The following COL14A1 variants were observed in gnomAD, a reference collection of about 807,000 sequenced individuals.
The protein encoded by COL14A1 is collagen alpha-1(XIV) chain.
In COL14A1, 136 loss-of-function variants were observed where a neutral mutation model predicts 230.3. The ratio of observed to expected loss-of-function variants is 0.59; its 90% CI spans 0.51 to 0.68. The LOEUF is 0.68. COL14A1 is among the 30% of genes least tolerant of loss of function. COL14A1 has a pLI of 0.00. For synonymous variants in COL14A1, 792 were observed against 784.1 expected (o/e 1.01, Z -0.17); for missense variants, 1,976 against 2,215.8 (o/e 0.89, Z 2.17).
chr8:120,328,727 CCTT>C (rs375640182), intron 40 of COL14A1, among the ~76,000 whole-genome samples: 4 of 152,290 alleles, frequency 2.6e-5, no homozygotes, highest in African/African-American at 9.6e-5. Flanking sequence ...TTTTTAAACT[CCTT>C]CTCACATGAT....
In COL14A1 at chr8:120,158,241, C is replaced by T; in HGVS notation, c.200C>T (p.Thr67Ile). 1 of 1,566,120 alleles carries T rather than the reference C, an allele frequency of 6.4e-7. No homozygotes were observed. The change falls in exon 3 of 48, where the codon ACT becomes ATT. Residue 67 changes from threonine to isoleucine, a missense_variant. Around this residue, in one of 3 missense-constraint regions of COL14A1, gnomAD observed 181 missense variants for 178.6 expected, o/e 1.01. Coordinates refer to ENST00000297848, the MANE Select transcript of COL14A1 (RefSeq NM_021110.4). ...FGGYKLLVTP[T>I]SGGKTNQLNL... ...GGTTACAAACTTCTTGTGACTCCAA[C>T]TTCAGGTAAAAACAATTGACTTTGT... is the stretch of plus-strand genomic sequence containing the variant.
intron 14 of COL14A1, among the ~76,000 whole-genome samples, chr8:120,220,833 GATA>G (rs1486194370): frequency 6.6e-6 from 1 of 152,140 alleles, no homozygotes; most frequent in Non-Finnish European, 1.5e-5. Context: ...TGGTGATAAT[GATA>G]ATGATGGTGA....
At chr8:120,130,247 A>T (rs996520047) in intron 1 of COL14A1, among the ~76,000 whole-genome samples, 1 of 152,246 alleles carries the variant, frequency 6.6e-6, no homozygotes, top group African/African-American at 2.4e-5. Flanking sequence ...ATAGACTTGC[A>T]TATTGGCATA....
chr8:120,134,354 G>A (rs1433626942), intron 1 of COL14A1, among the ~76,000 whole-genome samples: 4 of 151,976 alleles, frequency 2.6e-5, no homozygotes, highest in Non-Finnish European at 4.4e-5. Flanking sequence ...ATAAAATATA[G>A]CATTGTTAAC....
Position 120,171,105 on chromosome 8 carries a change from T to C in COL14A1, c.436+2858T>C, listed in dbSNP as rs146939051. ...TAAAATTGACCAAGTTTCTTTTTTC[T>C]TTAAATCCATTTTAGCACTTACTGA... On this transcript the variant is annotated intron_variant, in intron 5 of 47. Coordinates refer to ENST00000297848, the MANE Select transcript of COL14A1 (RefSeq NM_021110.4). Among the ~76,000 whole-genome samples, 83 of 152,220 alleles carry C rather than the reference T, an allele frequency of 5.5e-4. 2 individuals are homozygous for C. The East Asian group carries it at 0.016, about 29-fold the overall frequency.
intron 25 of COL14A1, among the ~76,000 whole-genome samples, chr8:120,269,206 A>G (rs889986846): frequency 6.6e-6 from 1 of 151,802 alleles, no homozygotes; most frequent in Non-Finnish European, 1.5e-5. Context: ...TGTTTGCTTC[A>G]TCATAAAACA....
intron 1 of COL14A1, among the ~76,000 whole-genome samples, chr8:120,133,605 C>A (rs1375518610): frequency 6.6e-6 from 1 of 152,058 alleles, no homozygotes; most frequent in African/African-American, 2.4e-5. Flanking sequence ...ATAAAGTTTA[C>A]ACAGATGGAA....
At position 120,194,152 on chromosome 8, in the gene COL14A1, G is replaced by A. The variant is rs559874977; in HGVS notation, c.437-2639G>A. Among the ~76,000 whole-genome samples, 42 of 152,314 alleles carry A rather than the reference G, an allele frequency of 2.8e-4. No individual in the cohort carries two copies. In the South Asian group the frequency reaches 8.1e-3, roughly 29 times the overall value. ...ACCTGTCTTCTGCGTCACTCACACTGGAAGCTGTCGACCGGAGCCATTCCT... is the reference window on the plus strand; with the variant it reads ...ACCTGTCTTCTGCGTCACTCACACTAGAAGCTGTCGACCGGAGCCATTCCT... On this transcript the variant is annotated intron_variant, in intron 5 of 47. Coordinates refer to ENST00000297848, the MANE Select transcript of COL14A1 (RefSeq NM_021110.4).
At chr8:120,328,298 A>G (rs749100823) in intron 40 of COL14A1, among the ~76,000 whole-genome samples, 67 of 152,098 alleles carry the variant, frequency 4.4e-4, no homozygotes, top group Non-Finnish European at 8.7e-4. Context: ...CAGTGGTGTG[A>G]TCACAGCTCA....
chr8:120,292,790 T>C lies in COL14A1; in HGVS notation c.4236+3024T>C, dbSNP rs1377152733. Among the ~76,000 whole-genome samples, 6 of 152,100 alleles carry C rather than the reference T, an allele frequency of 3.9e-5. No homozygotes were observed. The South Asian group carries it at 1.0e-3, about 26-fold the overall frequency. The stretch of plus-strand genomic sequence containing the variant: ...CAACAATTATTCAATAAATGCCAGA[T>C]GGTGGAAGTCTAAACATTTAGTCTT... On this transcript the variant is annotated intron_variant, in intron 34 of 47. Coordinates refer to ENST00000297848, the MANE Select transcript of COL14A1 (RefSeq NM_021110.4).
intron 5 of COL14A1, among the ~76,000 whole-genome samples, chr8:120,193,427 C>T (rs1338797093): frequency 6.6e-6 from 1 of 152,162 alleles, no homozygotes; most frequent in East Asian, 1.9e-4. Flanking sequence ...AGAGGAGTAA[C>T]AGGCCATGTG....
At chr8:120,203,905 A>C in intron 9 of COL14A1, 35 bp downstream of exon 9, 1 of 1,596,460 alleles carries the variant, frequency 6.3e-7, no homozygotes, top group Non-Finnish European at 8.6e-7. Flanking sequence ...TGTGGATGTC[A>C]GTATTATGGT....
chr8:120,163,795 C>A (rs1262414526), intron 4 of COL14A1, among the ~76,000 whole-genome samples: 4 of 152,068 alleles, frequency 2.6e-5, no homozygotes, highest in African/African-American at 9.7e-5. Flanking sequence ...AAATAAAGAT[C>A]CACACAGGCC....
chr8:120,366,803 T>C (rs1358959193), intron 45 of COL14A1, among the ~76,000 whole-genome samples: 1 of 152,226 alleles, frequency 6.6e-6, no homozygotes, highest in Non-Finnish European at 1.5e-5. Context: ...ATGTTAGACG[T>C]GTTCACTTGT....
At chr8:120,202,147 AC>A (rs1180628278) in intron 8 of COL14A1, among the ~76,000 whole-genome samples, 1 of 152,208 alleles carries the variant, frequency 6.6e-6, no homozygotes, top group Non-Finnish European at 1.5e-5. Context: ...AAAGACTTAA[AC>A]TAATGGAGAA....
intron 40 of COL14A1, among the ~76,000 whole-genome samples, chr8:120,320,942 C>G (rs1282237894): frequency 2.0e-5 from 3 of 152,140 alleles, no homozygotes; most frequent in Non-Finnish European, 2.9e-5. Context: ...ATTTTACAGG[C>G]AAAGAATCTA....
At chr8:120,285,240 T>C (rs1820157211) in intron 32 of COL14A1, among the ~76,000 whole-genome samples, 1 of 151,028 alleles carries the variant, frequency 6.6e-6, no homozygotes, top group African/African-American at 2.4e-5. Context: ...GATCATGAGG[T>C]CAGGAGATCG....
At position 120,225,076 on chromosome 8, in the gene COL14A1, T is replaced by C. The variant is rs1216487266; in HGVS notation, c.1738-12T>C. On this transcript the variant is annotated splice_polypyrimidine_tract_variant and intron_variant, in intron 14 of 47. Coordinates refer to ENST00000297848, the MANE Select transcript of COL14A1 (RefSeq NM_021110.4). ...TAGATAGAGCTGTTATTATGACTTA[T>C]TTCTTTGACAGGTTGAAGTCGATCC... The C allele has an allele frequency of 1.2e-6, 2 of 1,606,536 alleles. No individual in the cohort carries two copies. The highest frequency in any genetic ancestry group is 1.7e-6 in the Non-Finnish European group (2 of 1,178,030).
intron 4 of COL14A1, among the ~76,000 whole-genome samples, chr8:120,167,682 C>CT (rs1294675476): frequency 6.6e-6 from 1 of 152,116 alleles, no homozygotes; most frequent in Non-Finnish European, 1.5e-5. Context: ...TCTTCATCTT[C>CT]TTGTTTTGCT....
Sources: gnomAD v4.1 joint callset for allele counts (sites outside exome capture counted in the v4.1 genomes callset) on GRCh38, gnomAD v4.1.1 for gene constraint, gnomAD v4.1.1 regional missense constraint, MANE v1.5 for transcripts, NCBI Gene and HGNC (gene_info 2026-07-23, HGNC 2026-07-21) for gene names.